NR2C2: variants seen among roughly 807,000 people sequenced by gnomAD.
NR2C2 encodes the protein nuclear receptor subfamily 2 group C member 2.
In NR2C2, 6 loss-of-function variants were observed where a neutral mutation model predicts 62.9. The observed-to-expected ratio is 0.10, with a 90% CI of 0.05 to 0.19. The LOEUF (loss-of-function observed/expected upper bound fraction) is 0.19, where lower values mean the gene tolerates loss of function less well. Among genes scored for constraint, NR2C2 ranks in the 10% least tolerant of loss-of-function variants. The pLI is 1.00. For synonymous variants in NR2C2, 272 were observed against 273.8 expected (o/e 0.99, Z 0.07); for missense variants, 479 against 762.7 (o/e 0.63, Z 4.38).
intron 1 of NR2C2, chr3:14,948,686 G>C (rs2125187480): frequency 6.5e-6 from 1 of 152,822 alleles, no homozygotes; most frequent in Non-Finnish European, 1.5e-5. Context: ...CCTCCGCCTG[G>C]AACGCGTCTC....
chr3:15,017,382 G>C (rs930136412), intron 4 of NR2C2, among the ~76,000 whole-genome samples: 7 of 152,132 alleles, frequency 4.6e-5, no homozygotes, highest in Non-Finnish European at 7.3e-5. Flanking sequence ...TTAATCACTT[G>C]TTGCATACTC....
Position 15,028,700 on chromosome 3 carries a change from T to A in NR2C2, c.913T>A (p.Ser305Thr), listed in dbSNP as rs751934355. 6.2e-7 allele frequency: 1 copy of A among 1,614,060 alleles called. No individual in the cohort carries two copies. The highest frequency in any genetic ancestry group is 8.5e-7 in the Non-Finnish European group (1 of 1,179,944). ...TTCAGAAATCCAGCCAGAGGACCAG[T>A]CTGCAAGTGAGATAACTCGGTACGA... ...DTSEIQPEDQ[S>T]ASEITRAFDT... The change falls in exon 8 of 14, where the codon TCT becomes ACT. Residue 305 changes from serine (S) to threonine (T), a missense_variant. Physicochemically the swap from Ser to Thr is moderately conservative, Grantham distance 58. Coordinates refer to ENST00000425241, the MANE Select transcript of NR2C2 (RefSeq NM_001291694.2).
At chr3:15,037,211 G>T (rs59770998) in intron 11 of NR2C2, among the ~76,000 whole-genome samples, 3,396 of 77,694 alleles carry the variant, frequency 0.044, 94 homozygotes, top group African/African-American at 0.16. Context: ...TTTTTTGTTT[G>T]TGTGTGTGTG....
At chr3:15,026,669 A>T (rs1473562897) in intron 7 of NR2C2, 1 of 152,052 alleles carries the variant, frequency 6.6e-6, no homozygotes, top group Non-Finnish European at 1.5e-5. Context: ...ATGTATCAGT[A>T]CTTCATTCCT....
intron 1 of NR2C2, among the ~76,000 whole-genome samples, chr3:14,979,144 T>C (rs932712151): frequency 3.3e-5 from 5 of 152,370 alleles, no homozygotes; most frequent in Non-Finnish European, 5.9e-5. Flanking sequence ...CCTTGACTAT[T>C]CTTTTTGTCT....
intron 1 of NR2C2, among the ~76,000 whole-genome samples, chr3:14,981,934 C>T (rs565107569): frequency 6.6e-6 from 1 of 152,212 alleles, no homozygotes; most frequent in Non-Finnish European, 1.5e-5. Flanking sequence ...CCTAGCTGGG[C>T]TGGCAGCTAA....
At chr3:15,028,774 T>C in intron 8 of NR2C2, 55 bp downstream of exon 8, 1 of 1,578,078 alleles carries the variant, frequency 6.3e-7, no homozygotes, top group African/African-American at 1.3e-5. Context: ...CCTCCCTCTA[T>C]TGTGAGGGTG....
chr3:14,952,594 T>A (rs1218979269), intron 1 of NR2C2, among the ~76,000 whole-genome samples: 1 of 152,242 alleles, frequency 6.6e-6, no homozygotes, highest in Non-Finnish European at 1.5e-5. Context: ...TTGCTAATTA[T>A]GAGGGCCTTA....
intron 12 of NR2C2, 44 bp from the exon 13 acceptor site, chr3:15,039,078 T>C (rs777382137): frequency 1.4e-6 from 2 of 1,431,192 alleles, no homozygotes; most frequent in African/African-American, 2.9e-5. Context: ...GTGAGACTTT[T>C]CAAATACAGA....
chr3:14,999,876 G>A (rs772579485), intron 1 of NR2C2, among the ~76,000 whole-genome samples: 10 of 151,822 alleles, frequency 6.6e-5, no homozygotes, highest in Admixed American at 2.0e-4. Context: ...TCTTTATGCC[G>A]GTACTGCAAT....
chr3:15,039,098 G>GGC (rs747505094), intron 12 of NR2C2, 24 bp from the exon 13 acceptor site: 25 of 1,558,406 alleles, frequency 1.6e-5, no homozygotes, highest in Middle Eastern at 1.7e-4. Flanking sequence ...AGGGAACTGG[G>GGC]GGGGGGTACT....
chr3:15,028,164 T>C (rs941349402), intron 7 of NR2C2, among the ~76,000 whole-genome samples: 2 of 152,324 alleles, frequency 1.3e-5, no homozygotes, highest in Admixed American at 1.3e-4. Context: ...CCAGCCTCTT[T>C]TTCCATTTTT....
At chr3:15,011,018 A>C (rs1469673840) in intron 2 of NR2C2, among the ~76,000 whole-genome samples, 1 of 152,334 alleles carries the variant, frequency 6.6e-6, no homozygotes, top group East Asian at 1.9e-4. Context: ...TAACAGGGAA[A>C]ACAGTTTAGG....
intron 1 of NR2C2, among the ~76,000 whole-genome samples, chr3:14,997,303 A>G (rs1375701040): frequency 6.6e-6 from 1 of 152,244 alleles, no homozygotes; most frequent in Non-Finnish European, 1.5e-5. Flanking sequence ...TTGTAAGTAC[A>G]TGTTATCATG....
chr3:15,014,116 A>G (rs1559292698), intron 3 of NR2C2, among the ~76,000 whole-genome samples: 1 of 152,190 alleles, frequency 6.6e-6, no homozygotes, highest in Non-Finnish European at 1.5e-5. Context: ...TTGATATTTT[A>G]AAGGTACCAC....
intron 2 of NR2C2, among the ~76,000 whole-genome samples, chr3:15,010,084 C>G (rs1288308418): frequency 6.6e-6 from 1 of 152,154 alleles, no homozygotes; most frequent in Non-Finnish European, 1.5e-5. Flanking sequence ...TGGAATGTAT[C>G]TTTTCAGGGG....
chr3:14,966,076 A>G (rs1574936247), intron 1 of NR2C2, among the ~76,000 whole-genome samples: 1 of 152,388 alleles, frequency 6.6e-6, no homozygotes, highest in African/African-American at 2.4e-5. Context: ...GATTAGCTAA[A>G]TGAGTAAGAG....
intron 1 of NR2C2, among the ~76,000 whole-genome samples, chr3:14,960,950 C>T (rs1313394963): frequency 1.3e-5 from 2 of 151,702 alleles, no homozygotes; most frequent in Non-Finnish European, 2.9e-5. Flanking sequence ...CAAAAGGTAT[C>T]TTTGTGTTTT....
intron 1 of NR2C2, among the ~76,000 whole-genome samples, chr3:14,953,078 C>A (rs192957901): frequency 1.3e-5 from 2 of 152,272 alleles, no homozygotes; most frequent in East Asian, 3.9e-4. Flanking sequence ...TTGTTAAGGA[C>A]AGAAAGGGAA....
Sources: gnomAD v4.1 joint callset for allele counts (sites outside exome capture counted in the v4.1 genomes callset) on GRCh38, gnomAD v4.1.1 for gene constraint, MANE v1.5 for transcripts, NCBI Gene and HGNC (gene_info 2026-07-23, HGNC 2026-07-21) for gene names.